Variants in DACH1 observed in about 807,000 individuals in gnomAD.
DACH1 encodes the protein dachshund homolog 1.
Under a neutral mutation model 54.2 loss-of-function variants are expected in DACH1, and 12 were observed. That is an observed-to-expected ratio of 0.22 (90% CI 0.14 to 0.36). The LOEUF (loss-of-function observed/expected upper bound fraction) is 0.36. DACH1 is among the 10% of genes least tolerant of loss of function. The probability of loss-of-function intolerance (pLI) is 1.00; values close to 1 mark genes in which losing one functional copy is unlikely to be tolerated. For missense variants in DACH1, 805 were observed against 929.8 expected (o/e 0.87, Z 1.75); for synonymous variants, 386 against 366.2 (o/e 1.05, Z -0.62).
intron 1 of DACH1, among the ~76,000 whole-genome samples, chr13:71,836,532 A>C (rs1384147855): frequency 6.6e-6 from 1 of 152,080 alleles, no homozygotes; most frequent in African/African-American, 2.4e-5. Flanking sequence ...CAGGAAAAAA[A>C]ATGTAATATT....
At chr13:71,724,870 C>T (rs1883397849) in intron 1 of DACH1, among the ~76,000 whole-genome samples, 1 of 152,030 alleles carries the variant, frequency 6.6e-6, no homozygotes, top group African/African-American at 2.4e-5. Flanking sequence ...AAACACTCGT[C>T]TTAGAAATGT....
intron 1 of DACH1, among the ~76,000 whole-genome samples, chr13:71,857,286 TTAACTC>T (rs1183661093): frequency 6.6e-6 from 1 of 151,780 alleles, no homozygotes; most frequent in African/African-American, 2.4e-5. Flanking sequence ...AACTACTTCT[TTAACTC>T]TAAAATTAAT....
chr13:71,687,336 T>A (rs771450558), intron 1 of DACH1, among the ~76,000 whole-genome samples: 1 of 152,062 alleles, frequency 6.6e-6, no homozygotes, highest in Non-Finnish European at 1.5e-5. Context: ...TCATGAAGAG[T>A]CATGTTTATA....
At chr13:71,786,283 T>C (rs1212924112) in intron 1 of DACH1, among the ~76,000 whole-genome samples, 1 of 152,200 alleles carries the variant, frequency 6.6e-6, no homozygotes, top group Non-Finnish European at 1.5e-5. Flanking sequence ...TTGTGTATTA[T>C]AGATCGATAT....
intron 1 of DACH1, among the ~76,000 whole-genome samples, chr13:71,798,319 CATACATATATATATATAT>C (rs1240971420): frequency 8.2e-5 from 7 of 85,470 alleles, no homozygotes; most frequent in Admixed American, 1.3e-4. Flanking sequence ...GAACTTGTTA[CATACATATATATATATAT>C]ATATATATAT....
chr13:71,526,074 T>C (rs1180913850), intron 6 of DACH1, among the ~76,000 whole-genome samples: 1 of 152,178 alleles, frequency 6.6e-6, no homozygotes, highest in Non-Finnish European at 1.5e-5. Context: ...ACAATCTGTG[T>C]CACATTTATT....
At chr13:71,619,720 TGTA>T (rs1876063965) in intron 3 of DACH1, among the ~76,000 whole-genome samples, 1 of 151,932 alleles carries the variant, frequency 6.6e-6, no homozygotes, top group South Asian at 2.1e-4. Context: ...GAAGCTGAAA[TGTA>T]GGAGGGATTC....
chr13:71,850,968 C>T (rs528665333), intron 1 of DACH1, among the ~76,000 whole-genome samples: 5 of 152,264 alleles, frequency 3.3e-5, no homozygotes, highest in Admixed American at 1.3e-4. Context: ...AGCTATTGTA[C>T]TAGTTCAAAA....
chr13:71,516,320 T>A (rs913599020), intron 6 of DACH1, among the ~76,000 whole-genome samples: 47 of 151,882 alleles, frequency 3.1e-4, no homozygotes, highest in African/African-American at 1.1e-3. Context: ...CTTGTCTGGA[T>A]GACTATAGTA....
intron 6 of DACH1, among the ~76,000 whole-genome samples, chr13:71,531,410 G>A (rs1882406728): frequency 6.6e-6 from 1 of 151,956 alleles, no homozygotes. Flanking sequence ...CCTTGAATAA[G>A]TATATGAGAA....
chr13:71,652,504 T>G (rs1045452247), intron 2 of DACH1, among the ~76,000 whole-genome samples: 1 of 152,066 alleles, frequency 6.6e-6, no homozygotes, highest in African/African-American at 2.4e-5. Flanking sequence ...TATTTAAAAC[T>G]CCGAAGAACT....
chr13:71,697,912 T>A (rs1044789756), intron 1 of DACH1, among the ~76,000 whole-genome samples: 6 of 152,120 alleles, frequency 3.9e-5, no homozygotes, highest in African/African-American at 7.2e-5. Flanking sequence ...AGATTACAGA[T>A]TACAAATGAG....
chr13:71,822,191 A>G (rs899494464), intron 1 of DACH1, among the ~76,000 whole-genome samples: 2 of 152,244 alleles, frequency 1.3e-5, no homozygotes, highest in African/African-American at 2.4e-5. Context: ...TTTTAGTGTC[A>G]TGTATTAAAC....
At chr13:71,612,082 G>C (rs1315816149) in intron 3 of DACH1, among the ~76,000 whole-genome samples, 1 of 152,034 alleles carries the variant, frequency 6.6e-6, no homozygotes, top group Admixed American at 6.6e-5. Context: ...TTGGGCAAGG[G>C]TAAGAACATG....
chr13:71,619,449 C>T (rs1369047342), intron 3 of DACH1, among the ~76,000 whole-genome samples: 1 of 151,724 alleles, frequency 6.6e-6, no homozygotes, highest in Non-Finnish European at 1.5e-5. Context: ...ATTCATTTAT[C>T]CAATTAATAA....
At chr13:71,486,779 G>A (rs993243253) in intron 7 of DACH1, among the ~76,000 whole-genome samples, 7 of 151,314 alleles carry the variant, frequency 4.6e-5, no homozygotes, top group South Asian at 2.1e-4. Flanking sequence ...AGATTGAAGC[G>A]GACAAGCTAA....
intron 1 of DACH1, among the ~76,000 whole-genome samples, chr13:71,841,503 C>A (rs1872841385): frequency 6.6e-6 from 1 of 152,084 alleles, no homozygotes; most frequent in African/African-American, 2.4e-5. Flanking sequence ...GACTATTTTT[C>A]TTGGTTCACT....
intron 1 of DACH1, among the ~76,000 whole-genome samples, chr13:71,719,260 C>A (rs1006309230): frequency 6.6e-6 from 1 of 152,124 alleles, no homozygotes; most frequent in Non-Finnish European, 1.5e-5. Context: ...AGTAAATGAG[C>A]CTTTGTAGGC....
chr13:71,847,761 C>A (rs1873378194), intron 1 of DACH1, among the ~76,000 whole-genome samples: 1 of 152,052 alleles, frequency 6.6e-6, no homozygotes, highest in Non-Finnish European at 1.5e-5. Context: ...CTAAATTTCA[C>A]AATATAATAA....
Sources: allele counts gnomAD v4.1 joint callset (sites outside exome capture counted in the v4.1 genomes callset), GRCh38; gene constraint gnomAD v4.1.1; transcripts MANE v1.5; gene names NCBI Gene and HGNC (gene_info 2026-07-23, HGNC 2026-07-21).